KIFAP3: variants seen among roughly 807,000 people sequenced by gnomAD.
KIFAP3 encodes kinesin associated protein 3.
Under a neutral mutation model 106.5 loss-of-function variants are expected in KIFAP3, and 68 were observed. That is an observed-to-expected ratio of 0.64 (90% CI 0.53 to 0.78). The LOEUF is 0.78. Ranked by LOEUF, KIFAP3 falls within the 30% of genes least tolerant of loss-of-function variation. The probability of loss-of-function intolerance (pLI) is 0.00; values close to 1 mark genes in which losing one functional copy is unlikely to be tolerated. For missense variants in KIFAP3, 780 were observed against 941.8 expected (o/e 0.83, Z 2.25); for synonymous variants, 320 against 311.5 (o/e 1.03, Z -0.29).
intron 19 of KIFAP3, among the ~76,000 whole-genome samples, chr1:169,948,153 T>C (rs1664539714): frequency 6.6e-6 from 1 of 151,850 alleles, no homozygotes; most frequent in Non-Finnish European, 1.5e-5. Flanking sequence ...TCTAAGGCTC[T>C]TGTTCTTTAT....
chr1:169,995,322 AT>A (rs1243189396), intron 10 of KIFAP3, among the ~76,000 whole-genome samples: 4 of 151,814 alleles, frequency 2.6e-5, no homozygotes, highest in Admixed American at 1.3e-4. Flanking sequence ...ATTTTACATT[AT>A]TTTTTTTCCC....
Position 169,961,062 on chromosome 1 carries a change from G to A in KIFAP3, c.2157C>T (p.Asp719=), listed in dbSNP as rs141743224. The A allele has an allele frequency of 8.5e-4, 1,377 of 1,611,610 alleles. No individual in the cohort carries two copies. The highest frequency in any genetic ancestry group is 1.1e-3 in the Non-Finnish European group (1,291 of 1,178,728). The change falls in exon 18 of 20, where the codon GAC becomes GAT. Residue 719 remains aspartate, a synonymous_variant. Coordinates refer to ENST00000361580, the MANE Select transcript of KIFAP3 (RefSeq NM_014970.4). ...IHEGDILERP[D]LFYNSDGLIA... ...GGTTATCACCTGAGTTGTAGAAAAG[G>A]TCAGGTCTTTCGAGAATATCTCCTT...
chr1:170,001,037 C>T (rs1667642306), intron 10 of KIFAP3, among the ~76,000 whole-genome samples: 1 of 152,028 alleles, frequency 6.6e-6, no homozygotes, highest in African/African-American at 2.4e-5. Flanking sequence ...AATGAGTACT[C>T]TTATATAGAA....
At chr1:169,953,659 A>T (rs592106) in intron 19 of KIFAP3, among the ~76,000 whole-genome samples, 2 of 151,954 alleles carry the variant, frequency 1.3e-5, no homozygotes, top group Non-Finnish European at 2.9e-5. Flanking sequence ...GGACTACAGG[A>T]GCCCACCACC....
intron 1 of KIFAP3, among the ~76,000 whole-genome samples, chr1:170,061,848 G>T (rs918054866): frequency 2.0e-5 from 3 of 152,188 alleles, no homozygotes; most frequent in South Asian, 2.1e-4. Context: ...AAAGGATGAG[G>T]TCATGTCCTT....
chr1:169,981,337 C>T (rs1377534394), intron 15 of KIFAP3, among the ~76,000 whole-genome samples: 1 of 152,092 alleles, frequency 6.6e-6, no homozygotes, highest in East Asian at 1.9e-4. Context: ...ATGAATCATC[C>T]CTTTGTCCAG....
At chr1:169,949,312 C>G (rs750839307) in intron 19 of KIFAP3, among the ~76,000 whole-genome samples, 1 of 152,018 alleles carries the variant, frequency 6.6e-6, no homozygotes, top group African/African-American at 2.4e-5. Flanking sequence ...ATAATGCATA[C>G]ATCTAGTTTG....
At chr1:170,076,360 G>A (rs538626391), upstream of KIFAP3, among the ~76,000 whole-genome samples, 28 of 152,280 alleles carry the variant, frequency 1.8e-4, no homozygotes, top group South Asian at 3.3e-3. Context: ...AGTACAAGAT[G>A]AGCCTGGAAC....
At position 170,055,593 on chromosome 1, in the gene KIFAP3, T is replaced by C. The variant is rs1670803627; in HGVS notation, c.33-157A>G. 2.0e-5 allele frequency among the ~76,000 whole-genome samples: 3 copies of C among 152,180 alleles called. No homozygotes were observed. The South Asian group carries it at 6.2e-4, about 32-fold the overall frequency. ...ATTAGAGATAACTCTTTTTCTCTGT[T>C]TTATATACATATATATGTATATATG... On this transcript the variant is annotated intron_variant, in intron 1 of 19. Transcript: ENST00000361580.
At chr1:169,931,469 C>G (rs1663473299) in intron 19 of KIFAP3, among the ~76,000 whole-genome samples, 1 of 152,106 alleles carries the variant, frequency 6.6e-6, no homozygotes, top group South Asian at 2.1e-4. Flanking sequence ...AGGTCTTTGG[C>G]TTTTTCTGGC....
Position 170,074,575 on chromosome 1 carries a change from C to A in KIFAP3, c.-108G>T. ...CCTCACACCCAGAGGCGATGACAGT[C>A]CTGAGGCCTGCAAGGCGGGGCAGCA... On this transcript the variant is annotated 5_prime_UTR_variant, in exon 1 of 20. Transcript: ENST00000361580. 1 of 1,576,834 alleles carries A rather than the reference C, an allele frequency of 6.3e-7. No homozygotes were observed. Among genetic ancestry groups the A allele is most frequent in the Non-Finnish European group, 8.6e-7 (1 of 1,160,770 alleles).
intron 11 of KIFAP3, among the ~76,000 whole-genome samples, chr1:169,986,446 G>T (rs1272869996): frequency 6.6e-6 from 1 of 151,826 alleles, no homozygotes; most frequent in Non-Finnish European, 1.5e-5. Flanking sequence ...CCCCTTGAGG[G>T]CAGATCTTTA....
intron 1 of KIFAP3, among the ~76,000 whole-genome samples, chr1:170,057,475 A>G (rs1371549469): frequency 1.3e-5 from 2 of 152,138 alleles, no homozygotes; most frequent in East Asian, 3.8e-4. Context: ...AGAAATGAGC[A>G]AAGAAAAAAT....
At chr1:170,043,105 C>T (rs1670066712) in intron 3 of KIFAP3, among the ~76,000 whole-genome samples, 1 of 152,066 alleles carries the variant, frequency 6.6e-6, no homozygotes, top group African/African-American at 2.4e-5. Context: ...CATGGATGAC[C>T]ACATGGTCAC....
At chr1:170,068,050 A>G (rs1291185861) in intron 1 of KIFAP3, 1 of 152,224 alleles carries the variant, frequency 6.6e-6, no homozygotes, top group Non-Finnish European at 1.5e-5. Context: ...TGTTGAAGCC[A>G]TATCCAAACA....
In KIFAP3 at chr1:170,064,702, C is replaced by T. The variant is rs1671347497; in HGVS notation, c.33-9266G>A. ...TATCATAATTCCCTTTTATTTATGGCTTTAGTTTTTTCCTTAAATCATGAA... is the reference window on the plus strand; with the variant it reads ...TATCATAATTCCCTTTTATTTATGGTTTTAGTTTTTTCCTTAAATCATGAA... On this transcript the variant is annotated intron_variant, in intron 1 of 19. Coordinates refer to ENST00000361580, the MANE Select transcript of KIFAP3 (RefSeq NM_014970.4). Among the ~76,000 whole-genome samples the T allele has an allele frequency of 2.0e-5, 3 of 152,114 alleles. No homozygotes were observed. The South Asian group carries it at 6.2e-4, about 32-fold the overall frequency.
At chr1:169,988,791 A>C (rs1265990401) in intron 11 of KIFAP3, among the ~76,000 whole-genome samples, 1 of 152,000 alleles carries the variant, frequency 6.6e-6, no homozygotes, top group Non-Finnish European at 1.5e-5. Flanking sequence ...AAAATTTGGC[A>C]CTATAAGTTA....
At chr1:169,931,388 CT>C (rs983441975) in intron 19 of KIFAP3, among the ~76,000 whole-genome samples, 4 of 152,052 alleles carry the variant, frequency 2.6e-5, no homozygotes, top group Non-Finnish European at 4.4e-5. Flanking sequence ...AAAAAATGCT[CT>C]AATAGGTACC....
At chr1:170,018,564 T>C (rs573134245) in intron 9 of KIFAP3, among the ~76,000 whole-genome samples, 1 of 152,230 alleles carries the variant, frequency 6.6e-6, no homozygotes, top group Admixed American at 6.5e-5. Flanking sequence ...AATTTAATCC[T>C]TTAAATTTAA....
Sources: gnomAD v4.1 joint callset for allele counts (sites outside exome capture counted in the v4.1 genomes callset) on GRCh38, gnomAD v4.1.1 for gene constraint, MANE v1.5 for transcripts, NCBI Gene and HGNC (gene_info 2026-07-23, HGNC 2026-07-21) for gene names.